NR6A1: variants seen among roughly 807,000 people sequenced by gnomAD.
The protein encoded by NR6A1 is retinoic acid receptor-related testis-associated receptor.
In NR6A1, 7 loss-of-function variants were observed where a neutral mutation model predicts 59.1. The observed-to-expected ratio is 0.12, with a 90% confidence interval of 0.07 to 0.22. NR6A1 has a LOEUF of 0.22. Ranked by LOEUF, NR6A1 falls within the 10% of genes least tolerant of loss-of-function variation. The pLI is 1.00. For missense variants in NR6A1, 468 were observed against 611.6 expected (o/e 0.77, Z 2.48); for synonymous variants, 243 against 236.1 (o/e 1.03, Z -0.27).
At chr9:124,568,166 T>C (rs1220901552) in intron 2 of NR6A1, among the ~76,000 whole-genome samples, 1 of 50,206 alleles carries the variant, frequency 2.0e-5, no homozygotes, top group Non-Finnish European at 3.1e-5. Context: ...CAATACTTCA[T>C]CTCAAAAAAA....
intron 2 of NR6A1, among the ~76,000 whole-genome samples, chr9:124,580,710 C>T (rs944582391): frequency 3.9e-5 from 6 of 152,046 alleles, no homozygotes; most frequent in African/African-American, 1.5e-4. Flanking sequence ...ATCCCAGTTA[C>T]TCAGGGGGCT....
At chr9:124,655,807 C>T (rs1405858577) in intron 2 of NR6A1, among the ~76,000 whole-genome samples, 1 of 152,184 alleles carries the variant, frequency 6.6e-6, no homozygotes, top group Admixed American at 6.5e-5. Flanking sequence ...TGGGTCAGAA[C>T]AGCTCTGTAA....
intron 7 of NR6A1, among the ~76,000 whole-genome samples, chr9:124,530,549 C>T (rs758714810): frequency 3.3e-4 from 50 of 152,184 alleles, no homozygotes; most frequent in Non-Finnish European, 6.3e-4. Flanking sequence ...CATGCTGGGA[C>T]AAGGAAAACA....
rs145285955 is a variant in NR6A1 at position 124,587,457 on chromosome 9, T to C, written c.143-32887A>G. Among the ~76,000 whole-genome samples the C allele has an allele frequency of 2.9e-4, 44 of 152,276 alleles. No homozygotes were observed. In the East Asian group the frequency reaches 7.7e-3, roughly 27 times the overall value. On this transcript the variant is annotated intron_variant, in intron 2 of 9. Transcript: ENST00000487099. ...TGTGCCAATGCTCAAAGCTCAGTAA[T>C]CAGCTCCCTAGGTCCCTTCACAGTT...
At chr9:124,743,532 A>G (rs770148180) in intron 1 of NR6A1, among the ~76,000 whole-genome samples, 3 of 152,232 alleles carry the variant, frequency 2.0e-5, no homozygotes, top group Non-Finnish European at 4.4e-5. Context: ...ACGAGTGTCT[A>G]TATTTCTATG....
intron 2 of NR6A1, among the ~76,000 whole-genome samples, chr9:124,679,301 G>A (rs1177204799): frequency 6.6e-6 from 1 of 152,176 alleles, no homozygotes; most frequent in African/African-American, 2.4e-5. Context: ...TATTGTGACT[G>A]ACATCTTATG....
intron 2 of NR6A1, among the ~76,000 whole-genome samples, chr9:124,585,199 G>T (rs1359694213): frequency 6.6e-6 from 1 of 152,160 alleles, no homozygotes; most frequent in Non-Finnish European, 1.5e-5. Flanking sequence ...GAAGCTAGCA[G>T]AGGTTGGCTC....
At chr9:124,684,979 G>C (rs1273645229) in intron 2 of NR6A1, among the ~76,000 whole-genome samples, 1 of 151,088 alleles carries the variant, frequency 6.6e-6, no homozygotes, top group African/African-American at 2.4e-5. Flanking sequence ...ATGGCCAATA[G>C]GAAACTTCTG....
At chr9:124,699,230 G>C (rs930115765) in intron 2 of NR6A1, among the ~76,000 whole-genome samples, 46 of 152,184 alleles carry the variant, frequency 3.0e-4, no homozygotes, top group African/African-American at 1.1e-3. Flanking sequence ...AAGTAGTTCA[G>C]ACAAGATCCT....
At chr9:124,530,638 A>AG (rs2131331612) in intron 7 of NR6A1, among the ~76,000 whole-genome samples, 2 of 152,334 alleles carry the variant, frequency 1.3e-5, no homozygotes, top group South Asian at 4.1e-4. Flanking sequence ...TGTCCCATTA[A>AG]GGGGGCTGAG....
chr9:124,662,001 T>C (rs953135402), intron 2 of NR6A1, among the ~76,000 whole-genome samples: 1 of 151,484 alleles, frequency 6.6e-6, no homozygotes, highest in African/African-American at 2.4e-5. Flanking sequence ...CATGAAAAAA[T>C]TTAAGTAAAA....
intron 2 of NR6A1, among the ~76,000 whole-genome samples, chr9:124,626,131 G>A (rs1265629676): frequency 6.6e-6 from 1 of 152,158 alleles, no homozygotes; most frequent in Non-Finnish European, 1.5e-5. Context: ...TCAGCCTTCC[G>A]AGCAGCTGGG....
intron 2 of NR6A1, among the ~76,000 whole-genome samples, chr9:124,697,917 A>T (rs1838820649): frequency 1.3e-5 from 2 of 152,224 alleles, no homozygotes; most frequent in African/African-American, 4.8e-5. Flanking sequence ...CTTGAAGATT[A>T]AGAATACATG....
At chr9:124,638,919 G>A (rs948608736) in intron 2 of NR6A1, among the ~76,000 whole-genome samples, 2 of 152,134 alleles carry the variant, frequency 1.3e-5, no homozygotes, top group Non-Finnish European at 2.9e-5. Flanking sequence ...ATACAAGAAT[G>A]AATATAGTAT....
intron 1 of NR6A1, among the ~76,000 whole-genome samples, chr9:124,766,899 A>C (rs2131209485): frequency 1.3e-5 from 2 of 152,322 alleles, no homozygotes; most frequent in East Asian, 3.9e-4. Flanking sequence ...CCCAATTATA[A>C]AAATGAAGTG....
At chr9:124,604,738 C>T (rs1186235702) in intron 2 of NR6A1, among the ~76,000 whole-genome samples, 6 of 151,730 alleles carry the variant, frequency 4.0e-5, no homozygotes, top group African/African-American at 1.2e-4. Flanking sequence ...TCTTGAGCCC[C>T]GGGAGGCAGA....
At chr9:124,614,166 AAAG>A in intron 2 of NR6A1, among the ~76,000 whole-genome samples, 1 of 152,176 alleles carries the variant, frequency 6.6e-6, no homozygotes, top group Non-Finnish European at 1.5e-5. Flanking sequence ...TGGAGTTCAC[AAAG>A]AAGAGGGCTA....
chr9:124,517,795 A>G lies in NR6A1; in HGVS notation c.*4910T>C, dbSNP rs1832720210. On this transcript the variant is annotated 3_prime_UTR_variant, in exon 10 of 10. Coordinates refer to ENST00000487099, the MANE Select transcript of NR6A1 (RefSeq NM_033334.4). ...CATCACAATGCAGCCACCAGCCCCT[A>G]TGGCAGACCTGGGATGGCAACACAG... The G allele has an allele frequency of 1.3e-5, 2 of 152,122 alleles. No homozygotes were observed. The highest frequency in any genetic ancestry group is 2.4e-5 in the African/African-American group (1 of 41,390). 9.4% of individuals were successfully genotyped at this position (152,122 alleles called of 1,614,324 possible). A position where few individuals can be genotyped will look rare whatever the true frequency, so the allele number is the denominator to read the frequency against.
At chr9:124,718,591 T>C (rs947922133) in intron 2 of NR6A1, among the ~76,000 whole-genome samples, 5 of 152,160 alleles carry the variant, frequency 3.3e-5, no homozygotes, top group African/African-American at 1.2e-4. Flanking sequence ...TTTAAATGCA[T>C]GTCTTTTTTC....
Sources: allele counts gnomAD v4.1 joint callset (sites outside exome capture counted in the v4.1 genomes callset), GRCh38; gene constraint gnomAD v4.1.1; transcripts MANE v1.5; gene names NCBI Gene and HGNC (gene_info 2026-07-23, HGNC 2026-07-21).